ROGDI: variants seen among roughly 807,000 people sequenced by gnomAD.
ROGDI encodes protein rogdi homolog.
Under a neutral mutation model 43.1 loss-of-function variants are expected in ROGDI, and 46 were observed. The observed-to-expected ratio is 1.07, with a 90% CI of 0.84 to 1.37. The LOEUF (loss-of-function observed/expected upper bound fraction) is 1.37, where lower values mean the gene tolerates loss of function less well. ROGDI is among the 40% of genes most tolerant of loss of function. The pLI, the probability that ROGDI is intolerant of heterozygous loss-of-function variation, is 0.00. For missense variants in ROGDI, 518 were observed against 383.9 expected (o/e 1.35, Z -2.92); for synonymous variants, 243 against 162.0 (o/e 1.50, Z -3.80).
rs766106593 is a variant in ROGDI at position 4,797,725 on chromosome 16, G to A, written c.811C>T (p.Leu271Phe). Residue 271 changes from leucine to phenylalanine, a missense_variant, in exon 10 of 11, where the codon CTC becomes TTC. Transcript: ENST00000322048. ...CGGCCCGGGCCCACCTTGTCCTTGA[G>A]CTGCTGGCAGAGCTGCAGGGAGACG... Reference protein sequence around the residue: ...FTVSLQLCQQLKDKISVFSSY... With the variant: ...FTVSLQLCQQFKDKISVFSSY... The A allele has an allele frequency of 5.3e-6, 7 of 1,316,126 alleles. No homozygotes were observed. The highest frequency in any genetic ancestry group is 5.9e-6 in the Non-Finnish European group (6 of 1,015,108). The allele number at this position is 1,316,126 out of a possible 1,614,324, so 81.5% of individuals were successfully genotyped here. A position where few individuals can be genotyped will look rare whatever the true frequency, so the allele number is the denominator to read the frequency against.
Position 4,797,473 on chromosome 16 carries a change from T to C in ROGDI, c.851A>G (p.Tyr284Cys), listed in dbSNP as rs370584122. The stretch of plus-strand genomic sequence containing the variant: ...TGGGTGCTGTGATCAGAAGGGTCTG[T>C]AGCTCCAGTAGCTGGAGAACACGGA... The part of the protein sequence containing the change: ...KISVFSSYWS[Y>C]RPF Residue 284 changes from tyrosine to cysteine, a missense_variant, in exon 11 of 11, where the codon TAC becomes TGC. Tyr to Cys is a radical substitution (Grantham distance 194). Transcript: ENST00000322048. 1.7e-5 allele frequency: 28 copies of C among 1,613,266 alleles called. 1 individual carries two copies. In the African/African-American group the frequency reaches 3.2e-4, roughly 18 times the overall value.
At chr16:4,797,656 G>A (rs2141904972) in intron 10 of ROGDI, 58 bp downstream of exon 10, 1 of 1,610,314 alleles carries the variant, frequency 6.2e-7, no homozygotes, top group Non-Finnish European at 8.5e-7. Context: ...CGCTCTGAGG[G>A]TGTGGCAAGG....
chr16:4,800,921 C>T (rs957310871), intron 4 of ROGDI: 15 of 502,380 alleles, frequency 3.0e-5, no homozygotes, highest in Non-Finnish European at 4.9e-5. Context: ...GGGCCTCCCC[C>T]CACGCCTTGG....
In ROGDI at chr16:4,797,306, T is replaced by C. The variant is rs1191219636; in HGVS notation, c.*154A>G. On this transcript the variant is annotated 3_prime_UTR_variant, in exon 11 of 11. Coordinates refer to ENST00000322048, the MANE Select transcript of ROGDI (RefSeq NM_024589.3). Reference sequence around the variant, plus strand: ...CCTTCCTTCCTCCTGGCACTTCCAGTGTCCATTCCCGGCAGTGCAAATGTG... The same window carrying C: ...CCTTCCTTCCTCCTGGCACTTCCAGCGTCCATTCCCGGCAGTGCAAATGTG... 4.7e-5 allele frequency: 32 copies of C among 681,904 alleles called. No individual in the cohort carries two copies. The East Asian group carries it at 8.4e-4, about 18-fold the overall frequency. 42.2% of individuals were successfully genotyped at this position (681,904 alleles called of 1,614,324 possible).
Position 4,802,482 on chromosome 16 carries a change from GGCCCCGCC to G in ROGDI, c.45+37_46-30del, listed in dbSNP as rs786205125. The stretch of plus-strand genomic sequence containing the variant: ...CGGGACAGACCCGGCGGTCGCGCCC[GGCCCCGCC>G]GCCCCGCCGGCCCGCCCGCTGGCCC... On this transcript the variant is annotated intron_variant, in intron 1 of 10. Transcript: ENST00000322048. The G allele has an allele frequency of 1.6e-5, 19 of 1,223,782 alleles. No homozygotes were observed. The highest frequency in any genetic ancestry group is 4.7e-5 in the African/African-American group (3 of 63,444). The allele number at this position is 1,223,782 out of a possible 1,614,324, so 75.8% of individuals were successfully genotyped here.
Position 4,802,333 on chromosome 16 carries a change from TGAG to T in ROGDI, c.117+46_117+48del, listed in dbSNP as rs747926439. 11 of 1,474,908 alleles carry T rather than the reference TGAG, an allele frequency of 7.5e-6. No individual in the cohort carries two copies. The Admixed American group carries it at 1.3e-4, about 18-fold the overall frequency. The allele number at this position is 1,474,908 out of a possible 1,614,324, so 91.4% of individuals were successfully genotyped here. A position where few individuals can be genotyped will look rare whatever the true frequency, so the allele number is the denominator to read the frequency against. On this transcript the variant is annotated intron_variant, in intron 2 of 10. Coordinates refer to ENST00000322048, the MANE Select transcript of ROGDI (RefSeq NM_024589.3). Reference sequence around the variant, plus strand: ...GCGGCCCCAGGTGGAGCCAGGGAAATGAGGAGGGAGGGCCGCCACGCCCGGCGG... The same window carrying T: ...GCGGCCCCAGGTGGAGCCAGGGAAATGAGGGAGGGCCGCCACGCCCGGCGG...
Position 4,802,536 on chromosome 16 carries a change from C to T in ROGDI, c.36G>A (p.Arg12=), listed in dbSNP as rs1034942616. 3.9e-6 allele frequency: 5 copies of T among 1,270,654 alleles called. No individual in the cohort carries two copies. The highest frequency in any genetic ancestry group is 1.6e-5 in the African/African-American group (1 of 64,342). The allele number at this position is 1,270,654 out of a possible 1,614,324, so 78.7% of individuals were successfully genotyped here. The change falls in exon 1 of 11, where the codon CGG becomes CGA. Residue 12 remains arginine, a synonymous_variant. Transcript: ENST00000322048. ...ATVMAATAAE[R]AVLEEEFRWL... ...GGCCCGCGCGCCTTACCAGCACCGC[C>T]CGCTCCGCCGCCGTCGCTGCCATCA... is the stretch of plus-strand genomic sequence containing the variant.
chr16:4,801,190 T>C, intron 4 of ROGDI, 77 bp downstream of exon 4: 5 of 1,283,228 alleles, frequency 3.9e-6, no homozygotes, highest in Non-Finnish European at 5.4e-6. Context: ...GTCGCAGGGC[T>C]TGTACAGAGA....
intron 2 of ROGDI, 76 bp from the exon 3 acceptor site, chr16:4,801,661 C>CT: frequency 7.3e-7 from 1 of 1,366,138 alleles, no homozygotes; most frequent in Non-Finnish European, 1.0e-6. Context: ...AGAAGCCCCC[C>CT]TCCCTCCAAG....
intron 2 of ROGDI, 23 bp downstream of exon 2, chr16:4,802,359 C>T (rs2082741756): frequency 1.3e-6 from 2 of 1,550,920 alleles, no homozygotes; most frequent in Admixed American, 2.0e-5. Context: ...CCACGCCCGG[C>T]GGGGCAGGGC....
chr16:4,801,220 C>T (rs769607706), intron 4 of ROGDI, 47 bp downstream of exon 4: 3 of 1,517,554 alleles, frequency 2.0e-6, no homozygotes, highest in East Asian at 2.3e-5. Flanking sequence ...AGCTCCCATG[C>T]TCTTCCCCAT....
In ROGDI at chr16:4,797,159, G is replaced by C; in HGVS notation, c.*301C>G. On this transcript the variant is annotated 3_prime_UTR_variant, in exon 11 of 11. Coordinates refer to ENST00000322048, the MANE Select transcript of ROGDI (RefSeq NM_024589.3). ...GGGACAGCGAAGGGGAGAGGAGGGA[G>C]AGCCCTGCGCCTGGCCCTGTCCTGA... The C allele has an allele frequency of 2.9e-6, 1 of 343,646 alleles. No homozygotes were observed. The highest frequency in any genetic ancestry group is 4.5e-5 in the Admixed American group (1 of 22,108). The allele number at this position is 343,646 out of a possible 1,614,324, so 21.3% of individuals were successfully genotyped here.
Position 4,797,024 on chromosome 16 carries a change from G to A in ROGDI, c.*436C>T, listed in dbSNP as rs900443743. ...CCCTGGACTGGGGCTATGAAACACA[G>A]TCACCAGCACTATACTCACTCCTAG... is the stretch of plus-strand genomic sequence containing the variant. On this transcript the variant is annotated 3_prime_UTR_variant, in exon 11 of 11. Coordinates refer to ENST00000322048, the MANE Select transcript of ROGDI (RefSeq NM_024589.3). 1 of 166,024 alleles carries A rather than the reference G, an allele frequency of 6.0e-6. No homozygotes were observed. The highest frequency in any genetic ancestry group is 1.3e-5 in the Non-Finnish European group (1 of 75,898). The allele number at this position is 166,024 out of a possible 1,614,324, so 10.3% of individuals were successfully genotyped here. A position where few individuals can be genotyped will look rare whatever the true frequency, so the allele number is the denominator to read the frequency against.
chr16:4,798,416 G>A (rs1302459705), intron 7 of ROGDI, 153 bp downstream of exon 7: 8 of 721,060 alleles, frequency 1.1e-5, no homozygotes, highest in Non-Finnish European at 1.8e-5. Flanking sequence ...AGGGGCACAG[G>A]ACGGAAGCCA....
chr16:4,802,312 C>T (rs1199900749), intron 2 of ROGDI, 70 bp downstream of exon 2: 1 of 1,362,250 alleles, frequency 7.3e-7, no homozygotes, highest in South Asian at 1.3e-5. Context: ...AGCCGCGCGG[C>T]CCCAGGTGGA....
Position 4,797,241 on chromosome 16 carries a change from G to A in ROGDI, c.*219C>T, listed in dbSNP as rs2082661203. 1 of 543,294 alleles carries A rather than the reference G, an allele frequency of 1.8e-6. No individual in the cohort carries two copies. The highest frequency in any genetic ancestry group is 3.3e-6 in the Non-Finnish European group (1 of 304,074). The allele number at this position is 543,294 out of a possible 1,614,324, so 33.7% of individuals were successfully genotyped here. ...GTGTTGGGAATGTGGGACACCCTTGGCCCCGCCTCCCTGACCTCCCCACTA... is the reference window on the plus strand; with the variant it reads ...GTGTTGGGAATGTGGGACACCCTTGACCCCGCCTCCCTGACCTCCCCACTA... On this transcript the variant is annotated 3_prime_UTR_variant, in exon 11 of 11. Transcript: ENST00000322048.
chr16:4,801,769 G>A, intron 2 of ROGDI, 184 bp from the exon 3 acceptor site: 2 of 614,866 alleles, frequency 3.3e-6, no homozygotes, highest in Non-Finnish European at 5.8e-6. Flanking sequence ...CCGTGAGCCC[G>A]ATCTCTGCTT....
At chr16:4,799,865 G>T in intron 5 of ROGDI, 84 bp from the exon 6 acceptor site, 2 of 921,560 alleles carry the variant, frequency 2.2e-6, no homozygotes, top group Non-Finnish European at 3.4e-6. Flanking sequence ...CCTGCCCCAC[G>T]TCATTCCACT....
intron 4 of ROGDI, 155 bp downstream of exon 4, chr16:4,801,112 G>A (rs1488896161): frequency 1.2e-5 from 7 of 596,568 alleles, no homozygotes; most frequent in Non-Finnish European, 2.0e-5. Context: ...CCGGGAGAAG[G>A]TGTGAGGGTT....
Sources: allele counts gnomAD v4.1 joint callset, GRCh38; gene constraint gnomAD v4.1.1; transcripts MANE v1.5; gene names NCBI Gene and HGNC (gene_info 2026-07-23, HGNC 2026-07-21).